TPGS2: variants seen among roughly 807,000 people sequenced by gnomAD.
The protein encoded by TPGS2 is polyglutamylase subunit 2.
Under a neutral mutation model 31.1 loss-of-function variants are expected in TPGS2, and 26 were observed. That is an observed-to-expected ratio of 0.84 (90% CI 0.61 to 1.16). The LOEUF is 1.16. Among genes scored for constraint, TPGS2 ranks in the 50% most tolerant of loss-of-function variants. The pLI is 0.00. For synonymous variants in TPGS2, 130 were observed against 136.6 expected, an observed-to-expected ratio of 0.95 and a Z score of 0.34; for missense variants, 351 against 363.8, an observed-to-expected ratio of 0.96 and a Z score of 0.29.
chr18:36,816,776 T>G (rs2045675659), intron 2 of TPGS2, among the ~76,000 whole-genome samples: 1 of 152,168 alleles, frequency 6.6e-6, no homozygotes, highest in African/African-American at 2.4e-5. Flanking sequence ...GCCCGGCTAA[T>G]TTTTGTATTT....
intron 2 of TPGS2, among the ~76,000 whole-genome samples, chr18:36,815,191 A>C (rs748513007): frequency 4.6e-5 from 7 of 152,170 alleles, no homozygotes; most frequent in Non-Finnish European, 1.0e-4. Flanking sequence ...GCATTTCTGG[A>C]AGCAGGCACA....
intron 6 of TPGS2, chr18:36,788,598 C>G (rs1212590343): frequency 6.6e-6 from 1 of 152,186 alleles, no homozygotes; most frequent in East Asian, 1.9e-4. Context: ...GTTTATGCCC[C>G]TGCCCTAGGG....
chr18:36,816,521 G>A (rs1245180444), intron 2 of TPGS2, among the ~76,000 whole-genome samples: 1 of 152,146 alleles, frequency 6.6e-6, no homozygotes, highest in African/African-American at 2.4e-5. Context: ...CCTAGACAAG[G>A]CATTCCTGTC....
chr18:36,787,370 T>TA (rs2150525250), intron 6 of TPGS2, among the ~76,000 whole-genome samples: 1 of 152,314 alleles, frequency 6.6e-6, no homozygotes, highest in African/African-American at 2.4e-5. Flanking sequence ...AGTATCTGCC[T>TA]AAAAATGCTT....
In TPGS2 at chr18:36,794,524, A is replaced by G. The variant is rs567306797; in HGVS notation, c.*2281T>C. The G allele has an allele frequency of 1.0e-6, 1 of 985,448 alleles. No homozygotes were observed. The highest frequency in any genetic ancestry group is 1.1e-4 in the East Asian group (1 of 8,810). 61.0% of individuals were successfully genotyped at this position (985,448 alleles called of 1,614,324 possible). A position where few individuals can be genotyped will look rare whatever the true frequency, so the allele number is the denominator to read the frequency against. The stretch of plus-strand genomic sequence containing the variant: ...GATCTCCAAGTACTAAAAAAGGGGT[A>G]TCTGCTGCAGTGGAAGATGACATAA... On this transcript the variant is annotated 3_prime_UTR_variant, in exon 7 of 7. Transcript: ENST00000334295.
At chr18:36,786,718 C>T (rs2044139543) in intron 6 of TPGS2, 3 of 954,612 alleles carry the variant, frequency 3.1e-6, no homozygotes, top group South Asian at 5.6e-5. Flanking sequence ...TGTGTCTGAC[C>T]TCCCATCCTG....
rs527897398 is a variant in TPGS2, at chr18:36,827,063, G to T, written c.85+1620C>A. ...TAAGTTTCTTTTTTTTTAGTGACAG[G>T]GTCTTGCTATGTTGTCCAGCTGGAC... is the stretch of plus-strand genomic sequence containing the variant. On this transcript the variant is annotated intron_variant, in intron 1 of 6. Transcript: ENST00000334295. 9.9e-5 allele frequency among the ~76,000 whole-genome samples: 15 copies of T among 151,562 alleles called. No individual in the cohort carries two copies. In the South Asian group the frequency reaches 3.1e-3, roughly 32 times the overall value.
chr18:36,793,745 T>C (rs988243759), downstream of TPGS2, among the ~76,000 whole-genome samples: 14 of 152,130 alleles, frequency 9.2e-5, no homozygotes, highest in East Asian at 1.9e-4. Context: ...TTTTCTTTTT[T>C]TTTTTTCTTT....
chr18:36,796,307 T>C lies in TPGS2; in HGVS notation c.*498A>G, dbSNP rs1006126352. ...TTTCTGTGGTGATGGAAATGTTCCA[T>C]ATCTTTGTGCTAATACAGAATCTAC... On this transcript the variant is annotated 3_prime_UTR_variant, in exon 7 of 7. Coordinates refer to ENST00000334295, the MANE Select transcript of TPGS2 (RefSeq NM_015476.4). 1 of 980,992 alleles carries C rather than the reference T, an allele frequency of 1.0e-6. No individual in the cohort carries two copies. The highest frequency in any genetic ancestry group is 1.2e-6 in the Non-Finnish European group (1 of 825,858). 60.8% of individuals were successfully genotyped at this position (980,992 alleles called of 1,614,324 possible).
At chr18:36,785,288 ACT>A (rs1363239223) in intron 6 of TPGS2, among the ~76,000 whole-genome samples, 1 of 151,972 alleles carries the variant, frequency 6.6e-6, no homozygotes, top group Non-Finnish European at 1.5e-5. Flanking sequence ...AACGAGTGAA[ACT>A]CTGTCTCAAA....
intron 1 of TPGS2, among the ~76,000 whole-genome samples, chr18:36,819,728 G>A (rs2045813372): frequency 6.6e-6 from 1 of 152,192 alleles, no homozygotes; most frequent in Non-Finnish European, 1.5e-5. Context: ...AAGCTGTTAT[G>A]ACTTGAATTC....
At chr18:36,786,938 G>T (rs1022829283) in intron 6 of TPGS2, 14 of 1,234,226 alleles carry the variant, frequency 1.1e-5, no homozygotes, top group Non-Finnish European at 1.4e-5. Flanking sequence ...CTACAGCTCC[G>T]GGGCTTCATG....
chr18:36,790,643 C>T (rs554051392), downstream of TPGS2, among the ~76,000 whole-genome samples: 25 of 152,314 alleles, frequency 1.6e-4, no homozygotes, highest in Admixed American at 8.5e-4. Flanking sequence ...TGCATTATGG[C>T]AGTTTTATGA....
At chr18:36,826,407 T>C (rs1355454453) in intron 1 of TPGS2, among the ~76,000 whole-genome samples, 1 of 38,312 alleles carries the variant, frequency 2.6e-5, no homozygotes, top group Non-Finnish European at 6.4e-5. Flanking sequence ...GTATAGGCTG[T>C]GTGTGTGTGT....
chr18:36,818,235 A>G (rs2045743527), intron 2 of TPGS2, among the ~76,000 whole-genome samples: 1 of 152,166 alleles, frequency 6.6e-6, no homozygotes, highest in African/African-American at 2.4e-5. Flanking sequence ...AGACTAGGGC[A>G]GGTCTCCAGA....
At chr18:36,818,683 G>A (rs1008224685) in intron 2 of TPGS2, 8 of 482,006 alleles carry the variant, frequency 1.7e-5, no homozygotes, top group East Asian at 6.1e-5. Flanking sequence ...GTAGGAGAGT[G>A]GGGCTCAGGG....
chr18:36,782,905 TTC>T (rs2150516275), downstream of TPGS2: 1 of 391,642 alleles, frequency 2.6e-6, no homozygotes, highest in East Asian at 3.6e-5. Context: ...CTCTTGCCAC[TTC>T]TCTCTTTTTT....
At chr18:36,800,126 G>T in intron 5 of TPGS2, 72 bp downstream of exon 5, 1 of 1,383,744 alleles carries the variant, frequency 7.2e-7, no homozygotes, top group Non-Finnish European at 1.0e-6. Flanking sequence ...TGTCTCCTGA[G>T]CCATGGCTGA....
chr18:36,784,507 G>T (rs950053526), intron 6 of TPGS2, among the ~76,000 whole-genome samples: 1 of 152,194 alleles, frequency 6.6e-6, no homozygotes, highest in East Asian at 1.9e-4. Context: ...TGCAGTGAAG[G>T]TATATGATAT....
Sources: allele counts gnomAD v4.1 joint callset (sites outside exome capture counted in the v4.1 genomes callset), GRCh38; gene constraint gnomAD v4.1.1; transcripts MANE v1.5; gene names NCBI Gene and HGNC (gene_info 2026-07-23, HGNC 2026-07-21).